The following CNTNAP2 variants were observed in gnomAD, a reference collection of about 807,000 sequenced individuals.
CNTNAP2 encodes contactin associated protein 2.
CNTNAP2 carries 98 observed loss-of-function variants against 155.2 expected under a neutral mutation model. That is an observed-to-expected ratio of 0.63 (90% CI 0.54 to 0.75). The LOEUF is 0.75. CNTNAP2 is among the 30% of genes least tolerant of loss of function. CNTNAP2 has a pLI of 0.00. For synonymous variants in CNTNAP2, 651 were observed against 631.2 expected, an observed-to-expected ratio of 1.03 and a Z score of -0.47; for missense variants, 1,727 against 1,688.1, an observed-to-expected ratio of 1.02 and a Z score of -0.40.
intron 13 of CNTNAP2, among the ~76,000 whole-genome samples, chr7:147,725,718 C>G (rs1441744824): frequency 6.6e-6 from 1 of 152,074 alleles, no homozygotes; most frequent in African/African-American, 2.4e-5. Context: ...GGGTAAAGGT[C>G]CGAGGTTTCC....
intron 14 of CNTNAP2, among the ~76,000 whole-genome samples, chr7:147,939,279 A>G (rs1342921148): frequency 6.6e-6 from 1 of 152,236 alleles, no homozygotes; most frequent in Non-Finnish European, 1.5e-5. Context: ...TGAGGTAAGA[A>G]GAAAAATCAG....
At chr7:147,728,084 A>G (rs1796674165) in intron 13 of CNTNAP2, among the ~76,000 whole-genome samples, 1 of 152,026 alleles carries the variant, frequency 6.6e-6, no homozygotes, top group Non-Finnish European at 1.5e-5. Flanking sequence ...CATTAGAGCC[A>G]TATTCTACTC....
chr7:146,441,153 G>A (rs886939561), intron 1 of CNTNAP2, among the ~76,000 whole-genome samples: 2 of 151,564 alleles, frequency 1.3e-5, no homozygotes, highest in Non-Finnish European at 2.9e-5. Context: ...TTTAAACCCT[G>A]TCAGTATGAA....
chr7:146,869,065 A>G (rs1209320053), intron 3 of CNTNAP2, among the ~76,000 whole-genome samples: 1 of 152,098 alleles, frequency 6.6e-6, no homozygotes, highest in Non-Finnish European at 1.5e-5. Flanking sequence ...GAATACAAAT[A>G]TTGAGAGAGG....
intron 15 of CNTNAP2, among the ~76,000 whole-genome samples, chr7:148,098,933 G>T (rs1405960599): frequency 6.6e-6 from 1 of 152,168 alleles, no homozygotes; most frequent in Non-Finnish European, 1.5e-5. Flanking sequence ...AAAGGCTCAG[G>T]ATGACACAGC....
chr7:146,245,225 A>G (rs1799625714), intron 1 of CNTNAP2, among the ~76,000 whole-genome samples: 3 of 152,158 alleles, frequency 2.0e-5, no homozygotes, highest in South Asian at 2.1e-4. Context: ...AGATACAGTC[A>G]TGGGGGTCAG....
intron 10 of CNTNAP2, among the ~76,000 whole-genome samples, chr7:147,404,647 T>G (rs1274833626): frequency 1.3e-5 from 2 of 152,200 alleles, no homozygotes; most frequent in African/African-American, 4.8e-5. Context: ...ATTTAAACTT[T>G]ATTGGCCTTC....
chr7:146,505,110 C>G (rs6947614), intron 1 of CNTNAP2, among the ~76,000 whole-genome samples: 10,032 of 152,220 alleles, frequency 0.066, 820 homozygotes, highest in African/African-American at 0.19. Flanking sequence ...TCCAAAGCTG[C>G]CCATGTTGCA....
intron 2 of CNTNAP2, among the ~76,000 whole-genome samples, chr7:146,795,230 C>A (rs747219211): frequency 7.2e-5 from 11 of 152,144 alleles, no homozygotes; most frequent in Non-Finnish European, 1.2e-4. Context: ...AAATAAAGAT[C>A]AACTATGTTG....
chr7:146,709,389 G>A (rs1344996326), intron 1 of CNTNAP2, among the ~76,000 whole-genome samples: 1 of 152,128 alleles, frequency 6.6e-6, no homozygotes, highest in African/African-American at 2.4e-5. Context: ...AACCTAAAAT[G>A]AAAGGGAAAT....
At chr7:147,873,769 T>A (rs987162078) in intron 13 of CNTNAP2, among the ~76,000 whole-genome samples, 1 of 152,062 alleles carries the variant, frequency 6.6e-6, no homozygotes, top group Non-Finnish European at 1.5e-5. Flanking sequence ...CAAAATCTCA[T>A]CCGAGACAAG....
At chr7:146,362,802 C>T (rs958946175) in intron 1 of CNTNAP2, among the ~76,000 whole-genome samples, 18 of 135,988 alleles carry the variant, frequency 1.3e-4, no homozygotes, top group African/African-American at 3.0e-4. Context: ...GACGGAGTCT[C>T]GCTCTGTTGC....
chr7:147,331,895 C>T (rs1297786234), intron 9 of CNTNAP2, among the ~76,000 whole-genome samples: 1 of 152,152 alleles, frequency 6.6e-6, no homozygotes, highest in African/African-American at 2.4e-5. Flanking sequence ...TCACCAGCTG[C>T]TTCAGTATCT....
chr7:148,126,420 C>T (rs542119678), intron 16 of CNTNAP2, among the ~76,000 whole-genome samples: 6 of 152,214 alleles, frequency 3.9e-5, no homozygotes, highest in South Asian at 2.1e-4. Context: ...CAGATCACCA[C>T]GACTGAGGTG....
chr7:146,219,896 T>G lies in CNTNAP2; in HGVS notation c.97+102923T>G, dbSNP rs150704876. On this transcript the variant is annotated intron_variant, in intron 1 of 23. Transcript: ENST00000361727. ...ACACAACTCTAAAGATTATGGCTCA[T>G]AGAATTTTAGAGGTGGAAGAGGCCC... Among the ~76,000 whole-genome samples, 1,022 of 152,234 alleles carry G rather than the reference T, an allele frequency of 6.7e-3. 28 individuals are homozygous for G. The highest frequency in any genetic ancestry group is 4.7e-3 in the Non-Finnish European group (322 of 67,998).
chr7:146,914,009 A>C (rs201487201), intron 3 of CNTNAP2, among the ~76,000 whole-genome samples: 13 of 151,966 alleles, frequency 8.6e-5, no homozygotes, highest in African/African-American at 3.1e-4. Context: ...ACGATATTTG[A>C]TTTTCCATTC....
chr7:148,321,670 G>A (rs1427981885), intron 21 of CNTNAP2, among the ~76,000 whole-genome samples: 3 of 152,102 alleles, frequency 2.0e-5, no homozygotes, highest in African/African-American at 7.2e-5. Context: ...CAGGTAGGAG[G>A]GATTCATGTA....
chr7:146,408,136 C>T (rs1795818532), intron 1 of CNTNAP2, among the ~76,000 whole-genome samples: 1 of 151,992 alleles, frequency 6.6e-6, no homozygotes. Context: ...CAAAGGTCAA[C>T]CGTATCTGGA....
intron 12 of CNTNAP2, among the ~76,000 whole-genome samples, chr7:147,590,212 T>C (rs1000622963): frequency 4.6e-5 from 7 of 152,204 alleles, no homozygotes; most frequent in Admixed American, 4.6e-4. Context: ...TATTTATTTT[T>C]TATTTATTTA....
Sources: gnomAD v4.1 joint callset for allele counts (sites outside exome capture counted in the v4.1 genomes callset) on GRCh38, gnomAD v4.1.1 for gene constraint, MANE v1.5 for transcripts, NCBI Gene and HGNC (gene_info 2026-07-23, HGNC 2026-07-21) for gene names.